EHBP1: variants seen among roughly 807,000 people sequenced by gnomAD.
EHBP1 encodes the protein EH domain-binding protein 1.
EHBP1 carries 55 observed loss-of-function variants against 144.0 expected under a neutral mutation model. The observed-to-expected ratio is 0.38, with a 90% CI of 0.31 to 0.48. The LOEUF (loss-of-function observed/expected upper bound fraction) is 0.48, where lower values mean the gene tolerates loss of function less well. Among genes scored for constraint, EHBP1 ranks in the 20% least tolerant of loss-of-function variants. The probability of loss-of-function intolerance (pLI) is 0.98; values close to 1 mark genes in which losing one functional copy is unlikely to be tolerated. For missense variants in EHBP1, 1,200 were observed against 1,364.2 expected, an observed-to-expected ratio of 0.88 and a Z score of 1.90; for synonymous variants, 469 against 472.7, an observed-to-expected ratio of 0.99 and a Z score of 0.10.
At chr2:62,813,596 A>G (rs575255554) in intron 5 of EHBP1, among the ~76,000 whole-genome samples, 3 of 152,292 alleles carry the variant, frequency 2.0e-5, no homozygotes, top group African/African-American at 7.2e-5. Flanking sequence ...ACTCCAACAC[A>G]TGAGAGCTGC....
chr2:62,718,943 G>C (rs1490874568), intron 2 of EHBP1, among the ~76,000 whole-genome samples: 2 of 151,578 alleles, frequency 1.3e-5, no homozygotes, highest in African/African-American at 2.4e-5. Context: ...TAAGCAAAGA[G>C]TGTTGAGAGA....
intron 14 of EHBP1, among the ~76,000 whole-genome samples, chr2:62,957,791 G>A (rs902009128): frequency 5.9e-5 from 9 of 151,652 alleles, no homozygotes; most frequent in South Asian, 4.2e-4. Context: ...GATTACAGGC[G>A]CCCACCACCA....
At chr2:62,680,295 G>A (rs1369143300) in intron 1 of EHBP1, among the ~76,000 whole-genome samples, 1 of 152,122 alleles carries the variant, frequency 6.6e-6, no homozygotes, top group Non-Finnish European at 1.5e-5. Context: ...CCCTCACACT[G>A]TTCTACCCTC....
intron 10 of EHBP1, among the ~76,000 whole-genome samples, chr2:62,926,775 A>G (rs1177731453): frequency 6.6e-6 from 1 of 152,158 alleles, no homozygotes; most frequent in Non-Finnish European, 1.5e-5. Context: ...TATGGAGAAC[A>G]CTATGGAGGT....
intron 15 of EHBP1, among the ~76,000 whole-genome samples, chr2:62,989,432 C>T (rs1384555341): frequency 6.6e-6 from 1 of 152,030 alleles, no homozygotes; most frequent in Non-Finnish European, 1.5e-5. Flanking sequence ...AAAAAATAGC[C>T]ATTTCTTAGG....
intron 2 of EHBP1, among the ~76,000 whole-genome samples, chr2:62,716,540 C>G (rs954298671): frequency 4.6e-5 from 7 of 152,102 alleles, no homozygotes; most frequent in African/African-American, 7.2e-5. Context: ...CTGTTTTTTT[C>G]TCAGTGAATA....
chr2:62,778,555 A>AG (rs1474908571), intron 5 of EHBP1, among the ~76,000 whole-genome samples: 1 of 151,962 alleles, frequency 6.6e-6, no homozygotes, highest in East Asian at 1.9e-4. Flanking sequence ...AAAAAAAAAA[A>AG]AAAAATCCAA....
chr2:62,809,833 C>A (rs1460980135), intron 5 of EHBP1, among the ~76,000 whole-genome samples: 1 of 152,136 alleles, frequency 6.6e-6, no homozygotes. Context: ...CTAGCCTCTA[C>A]AAAATACCTC....
intron 10 of EHBP1, among the ~76,000 whole-genome samples, chr2:62,913,922 T>A (rs932066801): frequency 6.6e-6 from 1 of 152,192 alleles, no homozygotes; most frequent in African/African-American, 2.4e-5. Flanking sequence ...TCAATCAAAT[T>A]GCTCATGATA....
intron 5 of EHBP1, among the ~76,000 whole-genome samples, chr2:62,817,439 G>C (rs543079157): frequency 6.6e-4 from 101 of 152,226 alleles, no homozygotes; most frequent in Middle Eastern, 6.8e-3. Flanking sequence ...AAAGTAAGGA[G>C]GCCAGTATAT....
intron 5 of EHBP1, among the ~76,000 whole-genome samples, chr2:62,781,300 A>G (rs1222440759): frequency 2.0e-5 from 3 of 152,106 alleles, no homozygotes; most frequent in African/African-American, 7.2e-5. Flanking sequence ...AAAATCCAAA[A>G]TCTCTACCTA....
At chr2:62,741,858 A>G (rs781367851) in intron 2 of EHBP1, among the ~76,000 whole-genome samples, 18 of 152,196 alleles carry the variant, frequency 1.2e-4, no homozygotes, top group Non-Finnish European at 2.5e-4. Flanking sequence ...TAGTATTTAC[A>G]TTGTTGTATT....
intron 5 of EHBP1, among the ~76,000 whole-genome samples, chr2:62,792,268 A>G (rs1187490498): frequency 1.3e-5 from 2 of 152,060 alleles, no homozygotes; most frequent in South Asian, 2.1e-4. Context: ...GTACTATAAC[A>G]TGAGATCTCC....
chr2:62,807,859 G>A (rs2044637272), intron 5 of EHBP1, among the ~76,000 whole-genome samples: 1 of 152,098 alleles, frequency 6.6e-6, no homozygotes, highest in South Asian at 2.1e-4. Flanking sequence ...TATGGTTTTT[G>A]AGAAGTGGGA....
At position 62,681,340 on chromosome 2, in the gene EHBP1, G is replaced by GTGTATATATATATATATATATATATATA. The variant is rs1171760462; in HGVS notation, c.-296+7258_-296+7259insGTATATATATATATATATATATATATAT. On this transcript the variant is annotated intron_variant, in intron 1 of 22. Coordinates refer to the EHBP1 transcript ENST00000405015. ...TATATATTTGTATGTATGTGTGTGT[G>GTGTATATATATATATATATATATATATA]TATATATATATATATATATAATGTG... Among the ~76,000 whole-genome samples, 128 of 58,498 alleles carry GTGTATATATATATATATATATATATATA rather than the reference G, an allele frequency of 2.2e-3. 4 individuals are homozygous for GTGTATATATATATATATATATATATATA. Among genetic ancestry groups the GTGTATATATATATATATATATATATATA allele is most frequent in the African/African-American group, 7.1e-3 (82 of 11,586 alleles). The allele number at this position is 58,498 out of a possible 152,430, so 38.4% of individuals were successfully genotyped here.
intron 2 of EHBP1, among the ~76,000 whole-genome samples, chr2:62,715,914 G>C (rs1478741946): frequency 6.6e-6 from 1 of 152,144 alleles, no homozygotes; most frequent in Non-Finnish European, 1.5e-5. Context: ...CTTTACCCTA[G>C]CTAATACATG....
At chr2:62,930,912 C>T (rs551285142) in intron 10 of EHBP1, among the ~76,000 whole-genome samples, 1 of 152,238 alleles carries the variant, frequency 6.6e-6, no homozygotes, top group South Asian at 2.1e-4. Flanking sequence ...AGGGCTAAGA[C>T]CATAAATCTC....
intron 5 of EHBP1, 70 bp from the exon 6 acceptor site, chr2:62,826,017 A>G: frequency 1.8e-6 from 2 of 1,123,876 alleles, no homozygotes; most frequent in Non-Finnish European, 2.4e-6. Flanking sequence ...TATTATTAAA[A>G]TCGTACTTTA....
At chr2:62,937,180 T>A (rs184202506) in intron 10 of EHBP1, among the ~76,000 whole-genome samples, 1 of 152,208 alleles carries the variant, frequency 6.6e-6, no homozygotes, top group Non-Finnish European at 1.5e-5. Context: ...CTGAGATGTT[T>A]GTTAGGATTG....
Sources: gnomAD v4.1 joint callset for allele counts (sites outside exome capture counted in the v4.1 genomes callset) on GRCh38, gnomAD v4.1.1 for gene constraint, MANE v1.5 for transcripts, NCBI Gene and HGNC (gene_info 2026-07-23, HGNC 2026-07-21) for gene names.